ASB3: variants seen among roughly 807,000 people sequenced by gnomAD.
ASB3 encodes ankyrin repeat and SOCS box protein 3.
A neutral mutation model predicts 54.5 loss-of-function variants in ASB3; 41 were observed. The ratio of observed to expected loss-of-function variants is 0.75; its 90% confidence interval spans 0.59 to 0.98. The LOEUF (loss-of-function observed/expected upper bound fraction) is 0.98, where lower values mean the gene tolerates loss of function less well. Among genes scored for constraint, ASB3 ranks in the 50% least tolerant of loss-of-function variants. ASB3 has a pLI of 0.00. For synonymous variants in ASB3, 266 were observed against 221.2 expected, an observed-to-expected ratio of 1.20 and a Z score of -1.80; for missense variants, 733 against 620.0, an observed-to-expected ratio of 1.18 and a Z score of -1.94.
intron 3 of ASB3, among the ~76,000 whole-genome samples, chr2:53,747,000 T>C (rs1558556661): frequency 6.6e-6 from 1 of 152,136 alleles, no homozygotes; most frequent in African/African-American, 2.4e-5. Context: ...TTGAATTATC[T>C]CCCATCCCTT....
rs1473271807 is a variant in ASB3 at position 53,728,959 on chromosome 2, G to A, written c.469-112C>T. On this transcript the variant is annotated intron_variant, in intron 4 of 9. Transcript: ENST00000263634. ...TTATCCTCTCACTAAAGGATAACTT[G>A]AAGGAAAAAACAAAACAGTATACTG... The A allele has an allele frequency of 2.3e-6, 3 of 1,278,130 alleles. No individual in the cohort carries two copies. The African/African-American group carries it at 4.5e-5, about 19-fold the overall frequency. The allele number at this position is 1,278,130 out of a possible 1,614,324, so 79.2% of individuals were successfully genotyped here.
chr2:53,713,407 G>C (rs528664543), intron 7 of ASB3, among the ~76,000 whole-genome samples: 7 of 152,146 alleles, frequency 4.6e-5, no homozygotes, highest in African/African-American at 1.4e-4. Flanking sequence ...TCCATTATTG[G>C]ATGACCAGAT....
chr2:53,690,755 G>C (rs1420758807), intron 9 of ASB3, among the ~76,000 whole-genome samples: 4 of 141,242 alleles, frequency 2.8e-5, no homozygotes, highest in Non-Finnish European at 3.1e-5. Context: ...TTACTGTTTT[G>C]TGATAATATA....
chr2:53,719,098 T>A (rs888452697), intron 5 of ASB3, among the ~76,000 whole-genome samples: 6 of 152,138 alleles, frequency 3.9e-5, no homozygotes, highest in Non-Finnish European at 8.8e-5. Context: ...TTTTTGTATT[T>A]TTAGCAGATA....
At chr2:53,761,223 G>A (rs2104067581) in intron 2 of ASB3, among the ~76,000 whole-genome samples, 1 of 152,234 alleles carries the variant, frequency 6.6e-6, no homozygotes, top group Middle Eastern at 3.4e-3. Flanking sequence ...GACCAATCAG[G>A]TAGTAAAGAG....
intron 9 of ASB3, among the ~76,000 whole-genome samples, chr2:53,680,504 C>A (rs1346346707): frequency 3.3e-5 from 5 of 152,126 alleles, no homozygotes; most frequent in Non-Finnish European, 7.3e-5. Flanking sequence ...TGATGTCGAA[C>A]TTTTTTTCAT....
At chr2:53,733,148 T>C (rs1379792116) in intron 3 of ASB3, among the ~76,000 whole-genome samples, 1 of 152,136 alleles carries the variant, frequency 6.6e-6, no homozygotes, top group East Asian at 1.9e-4. Context: ...ATAGTGGGAA[T>C]ACAGATGAAA....
chr2:53,671,682 C>G (rs908366925), intron 9 of ASB3, among the ~76,000 whole-genome samples: 1 of 149,030 alleles, frequency 6.7e-6, no homozygotes, highest in Non-Finnish European at 1.5e-5. Flanking sequence ...TTGCTTGAAC[C>G]TGGGAGGCGG....
At chr2:53,722,185 A>G (rs1336311868) in intron 5 of ASB3, among the ~76,000 whole-genome samples, 1 of 151,858 alleles carries the variant, frequency 6.6e-6, no homozygotes, top group Non-Finnish European at 1.5e-5. Flanking sequence ...ATAAAAAAAA[A>G]AAAAACCTAC....
intron 9 of ASB3, among the ~76,000 whole-genome samples, chr2:53,676,888 C>G (rs1008431892): frequency 2.0e-5 from 3 of 152,188 alleles, no homozygotes; most frequent in African/African-American, 4.8e-5. Flanking sequence ...CCTGCCTCAG[C>G]CTCCCGAGTT....
In ASB3 at chr2:53,693,908, C is replaced by T. The variant is rs780629471; in HGVS notation, c.1345G>A (p.Ala449Thr). 29 of 1,613,278 alleles carry T rather than the reference C, an allele frequency of 1.8e-5. No individual in the cohort carries two copies. The Middle Eastern group carries it at 6.6e-4, about 37-fold the overall frequency. ...ERMLSARASNAWILQQHIATV... is the reference protein window; with the variant it reads ...ERMLSARASNTWILQQHIATV... ...CCAATATGTTGCTGTAGAATCCAAG[C>T]GTTTGAGGCACGAGCAGAGAGCATC... The change falls in exon 9 of 10, where the codon GCT (alanine) becomes ACT (threonine). Residue 449 changes from alanine (A) to threonine (T), a missense_variant. Physicochemically the swap from Ala to Thr is moderately conservative, Grantham distance 58. Coordinates refer to ENST00000263634, the MANE Select transcript of ASB3 (RefSeq NM_016115.5).
chr2:53,770,069 G>C (rs1443911942), intron 1 of ASB3, among the ~76,000 whole-genome samples: 2 of 152,120 alleles, frequency 1.3e-5, no homozygotes, highest in Non-Finnish European at 2.9e-5. Context: ...CTTTGAAATT[G>C]AAAATAATAT....
At chr2:53,774,193 G>T in intron 1 of ASB3, 1 of 1,613,434 alleles carries the variant, frequency 6.2e-7, no homozygotes, top group Non-Finnish European at 8.5e-7. Context: ...GGAAGAAGAA[G>T]TAAAAGCATA....
intron 6 of ASB3, 70 bp from the exon 7 acceptor site, chr2:53,714,651 G>T: frequency 6.6e-7 from 1 of 1,515,508 alleles, no homozygotes; most frequent in Non-Finnish European, 8.9e-7. Flanking sequence ...CATTTCTATA[G>T]CACAATTTTT....
At chr2:53,768,290 A>C in intron 1 of ASB3, 1 of 411,476 alleles carries the variant, frequency 2.4e-6, no homozygotes, top group East Asian at 4.0e-5. Context: ...AGCTCGCACC[A>C]GGCTGAGTGC....
At chr2:53,704,395 A>G (rs1330293507) in intron 7 of ASB3, among the ~76,000 whole-genome samples, 3 of 151,672 alleles carry the variant, frequency 2.0e-5, no homozygotes, top group South Asian at 2.1e-4. Context: ...ATAACATATG[A>G]TAGCTATTTT....
intron 1 of ASB3, among the ~76,000 whole-genome samples, chr2:53,768,516 C>A (rs1484424689): frequency 6.6e-6 from 1 of 152,188 alleles, no homozygotes; most frequent in East Asian, 1.9e-4. Context: ...TTCTTTACAT[C>A]TTTCAAAAGT....
intron 7 of ASB3, among the ~76,000 whole-genome samples, chr2:53,702,728 A>G (rs1669559866): frequency 6.6e-6 from 1 of 152,204 alleles, no homozygotes; most frequent in Admixed American, 6.5e-5. Context: ...CGCTCCTTGA[A>G]GTTCAAAACT....
intron 1 of ASB3, among the ~76,000 whole-genome samples, chr2:53,778,980 G>A (rs1674503257): frequency 6.6e-6 from 1 of 152,186 alleles, no homozygotes; most frequent in Non-Finnish European, 1.5e-5. Context: ...CATAACGGTT[G>A]TACTAATTTA....
Sources: gnomAD v4.1 joint callset for allele counts (sites outside exome capture counted in the v4.1 genomes callset) on GRCh38, gnomAD v4.1.1 for gene constraint, MANE v1.5 for transcripts, NCBI Gene and HGNC (gene_info 2026-07-23, HGNC 2026-07-21) for gene names.